Variants in AKAP6 observed in about 807,000 individuals in gnomAD.
AKAP6 encodes A-kinase anchor protein 6.
Under a neutral mutation model 188.5 loss-of-function variants are expected in AKAP6, and 58 were observed. The ratio of observed to expected loss-of-function variants is 0.31; its 90% confidence interval spans 0.25 to 0.38. AKAP6 has a LOEUF of 0.38. AKAP6 is among the 10% of genes least tolerant of loss of function. The pLI is 1.00. For synonymous variants in AKAP6, 989 were observed against 998.6 expected, an observed-to-expected ratio of 0.99 and a Z score of 0.18; for missense variants, 2,710 against 2,740.0, an observed-to-expected ratio of 0.99 and a Z score of 0.24.
At chr14:32,500,258 C>A (rs373995750) in intron 2 of AKAP6, among the ~76,000 whole-genome samples, 1 of 152,248 alleles carries the variant, frequency 6.6e-6, no homozygotes, top group East Asian at 1.9e-4. Flanking sequence ...CTTGAATGTG[C>A]TTTGTAGAGA....
intron 12 of AKAP6, among the ~76,000 whole-genome samples, chr14:32,775,462 T>C (rs2033029805): frequency 6.6e-6 from 1 of 151,540 alleles, no homozygotes; most frequent in Non-Finnish European, 1.5e-5. Context: ...GGATGGAGTC[T>C]TTCTCTATCT....
intron 7 of AKAP6, among the ~76,000 whole-genome samples, chr14:32,624,505 G>A (rs1290328682): frequency 1.3e-5 from 2 of 152,076 alleles, no homozygotes; most frequent in African/African-American, 4.8e-5. Context: ...CTGGCAAGAT[G>A]TATAATTCAA....
intron 2 of AKAP6, among the ~76,000 whole-genome samples, chr14:32,450,473 C>T (rs1446145951): frequency 1.3e-5 from 2 of 152,064 alleles, no homozygotes; most frequent in African/African-American, 4.8e-5. Context: ...ACAAGGCCTG[C>T]AAGGGGCAGG....
At position 32,568,360 on chromosome 14, in the gene AKAP6, A is replaced by C. The variant is rs1884299427; in HGVS notation, c.2347-8760A>C. Among the ~76,000 whole-genome samples the C allele has an allele frequency of 6.6e-6, 1 of 152,190 alleles. No individual in the cohort carries two copies. The highest frequency in any genetic ancestry group is 1.5e-5 in the Non-Finnish European group (1 of 68,028). Reference sequence around the variant, plus strand: ...AACTTCTCTATGCCTTAGCCTCTTCATCTGTACAATGGGGAAATTTGACTA... The same window carrying C: ...AACTTCTCTATGCCTTAGCCTCTTCCTCTGTACAATGGGGAAATTTGACTA... On this transcript the variant is annotated intron_variant, in intron 4 of 13. Transcript: ENST00000280979. The surrounding 1 kb of genome is among the most constrained non-coding windows in gnomAD (Gnocchi z 6.2).
In AKAP6 at chr14:32,692,091, C is replaced by T. The variant is rs142944663; in HGVS notation, c.2880-3899C>T. Reference sequence around the variant, plus strand: ...GTACCAAGGCATTTACTGTATCTAACAAATCAAGTATCAAGTCTAAATATT... The same window carrying T: ...GTACCAAGGCATTTACTGTATCTAATAAATCAAGTATCAAGTCTAAATATT... On this transcript the variant is annotated intron_variant, in intron 8 of 13. Coordinates refer to ENST00000280979, the MANE Select transcript of AKAP6 (RefSeq NM_004274.5). 3.9e-3 allele frequency among the ~76,000 whole-genome samples: 589 copies of T among 152,260 alleles called. 2 individuals carry two copies. Among genetic ancestry groups the T allele is most frequent in the African/African-American group, 0.013 (532 of 41,556 alleles).
chr14:32,675,790 G>A (rs1889400386), intron 7 of AKAP6, among the ~76,000 whole-genome samples: 1 of 152,186 alleles, frequency 6.6e-6, no homozygotes, highest in South Asian at 2.1e-4. Flanking sequence ...CATTTTGTAA[G>A]GTGACTATTT....
chr14:32,696,329 G>C (rs1468289086), intron 9 of AKAP6, among the ~76,000 whole-genome samples: 4 of 152,068 alleles, frequency 2.6e-5, no homozygotes, highest in African/African-American at 9.7e-5. Flanking sequence ...CATTCTATTT[G>C]CTGTAATTCT....
At chr14:32,519,470 C>T (rs1461831401) in intron 2 of AKAP6, among the ~76,000 whole-genome samples, 4 of 151,678 alleles carry the variant, frequency 2.6e-5, no homozygotes, top group Non-Finnish European at 4.4e-5. Context: ...CAGAGACACA[C>T]AAAAACTCAA....
At chr14:32,828,769 T>A (rs2034748611) in intron 13 of AKAP6, among the ~76,000 whole-genome samples, 1 of 152,234 alleles carries the variant, frequency 6.6e-6, no homozygotes, top group Non-Finnish European at 1.5e-5. Flanking sequence ...TGCACTGGGC[T>A]TTCTTGTGTT....
At chr14:32,523,727 C>G (rs1430134479) in intron 2 of AKAP6, among the ~76,000 whole-genome samples, 1 of 146,730 alleles carries the variant, frequency 6.8e-6, no homozygotes, top group Admixed American at 6.9e-5. Context: ...CTCAGCCTCT[C>G]AAAGTGCCAG....
At chr14:32,649,880 C>A (rs1471266785) in intron 7 of AKAP6, among the ~76,000 whole-genome samples, 2 of 152,104 alleles carry the variant, frequency 1.3e-5, no homozygotes, top group African/African-American at 4.8e-5. Flanking sequence ...CGAGAAGGCA[C>A]AAGATTGTGT....
chr14:32,654,062 C>G lies in AKAP6; in HGVS notation c.2731-24249C>G, dbSNP rs141986768. 3.0e-3 allele frequency among the ~76,000 whole-genome samples: 460 copies of G among 152,298 alleles called. 2 individuals carry two copies. Among genetic ancestry groups the G allele is most frequent in the African/African-American group, 0.011 (442 of 41,578 alleles). On this transcript the variant is annotated intron_variant, in intron 7 of 13. Transcript: ENST00000280979. ...TACCTTAAACTCTTAACTAATTGCT[C>G]AAACTTAAAGTCATTATTTCAGATC...
Position 32,546,166 on chromosome 14 carries a change from G to A in AKAP6, c.1513G>A (p.Val505Met), listed in dbSNP as rs773793158. The change falls in exon 4 of 14, where the codon GTG becomes ATG. Residue 505 changes from valine to methionine, a missense_variant. Coordinates refer to ENST00000280979, the MANE Select transcript of AKAP6 (RefSeq NM_004274.5). The stretch of plus-strand genomic sequence containing the variant: ...AAAGCCACACAAGACCTCAGAAGAG[G>A]TGCCTCCATGCCGAACACCTAAACG... ...LKKPHKTSEE[V>M]PPCRTPKRGT... 1 of 1,613,976 alleles carries A rather than the reference G, an allele frequency of 6.2e-7. No homozygotes were observed. Among genetic ancestry groups the A allele is most frequent in the Non-Finnish European group, 8.5e-7 (1 of 1,179,988 alleles).
intron 7 of AKAP6, among the ~76,000 whole-genome samples, chr14:32,631,305 C>G (rs568432904): frequency 6.6e-6 from 1 of 152,130 alleles, no homozygotes; most frequent in African/African-American, 2.4e-5. Flanking sequence ...TGTGCTTATG[C>G]AAACAAACTC....
In AKAP6 at chr14:32,545,431, G is replaced by A. The variant is rs754028032; in HGVS notation, c.778G>A (p.Glu260Lys). The A allele has an allele frequency of 1.9e-6, 3 of 1,614,194 alleles. No homozygotes were observed. The highest frequency in any genetic ancestry group is 1.1e-5 in the South Asian group (1 of 91,076). The part of the protein sequence containing the change: ...TKPFDSWSYS[E>K]MEKEFPELIR... ...ACCCTTTGACTCTTGGAGCTACAGT[G>A]AGATGGAAAAGGAGTTTCCTGAGCT... The change falls in exon 4 of 14, where the codon GAG (glutamate) becomes AAG (lysine). Residue 260 changes from glutamate to lysine, a missense_variant. Glu to Lys is a moderately conservative substitution (Grantham distance 56, BLOSUM62 1). This residue lies in a region of AKAP6 where 2,473 missense variants were observed against 2,426.1 expected (regional missense o/e 1.02). Coordinates refer to ENST00000280979, the MANE Select transcript of AKAP6 (RefSeq NM_004274.5).
At chr14:32,395,457 A>G (rs1284154516) in intron 1 of AKAP6, among the ~76,000 whole-genome samples, 9 of 152,138 alleles carry the variant, frequency 5.9e-5, no homozygotes, top group Admixed American at 4.6e-4. Flanking sequence ...TAACCCTCAG[A>G]AGAGGGCAGA....
At chr14:32,757,074 T>C (rs1414299534) in intron 11 of AKAP6, among the ~76,000 whole-genome samples, 2 of 152,136 alleles carry the variant, frequency 1.3e-5, no homozygotes, top group African/African-American at 2.4e-5. Flanking sequence ...TCTCCTTGCC[T>C]CAAATGGTGG....
intron 1 of AKAP6, among the ~76,000 whole-genome samples, chr14:32,382,247 G>A (rs916492676): frequency 1.3e-5 from 2 of 151,304 alleles, no homozygotes; most frequent in Admixed American, 1.3e-4. Context: ...CTGGAATTCT[G>A]CTTGGAGCCT....
At chr14:32,443,402 CAAAACAAAAAA>C (rs1890650513) in intron 2 of AKAP6, among the ~76,000 whole-genome samples, 1 of 99,056 alleles carries the variant, frequency 1.0e-5, no homozygotes, top group Non-Finnish European at 2.2e-5. Context: ...CAAAACAAAA[CAAAACAAAAAA>C]AAAACAAAAA....
Sources: allele counts gnomAD v4.1 joint callset (sites outside exome capture counted in the v4.1 genomes callset), GRCh38; gene constraint gnomAD v4.1.1; regional missense constraint gnomAD v4.1.1; non-coding constraint Gnocchi (gnomAD v3.1); transcripts MANE v1.5; gene names NCBI Gene and HGNC (gene_info 2026-07-23, HGNC 2026-07-21).